The following ARL15 variants were observed in gnomAD, a reference collection of about 807,000 sequenced individuals.
ARL15 encodes the protein ARF like GTPase 15.
Under a neutral mutation model 25.2 loss-of-function variants are expected in ARL15, and 19 were observed. The ratio of observed to expected loss-of-function variants is 0.75; its 90% CI spans 0.53 to 1.10. ARL15 has a LOEUF of 1.10. Ranked by LOEUF, ARL15 falls within the 50% of genes least tolerant of loss-of-function variation. The pLI is 0.00. For missense variants in ARL15, 220 were observed against 246.0 expected, an observed-to-expected ratio of 0.89 and a Z score of 0.71; for synonymous variants, 94 against 86.8, an observed-to-expected ratio of 1.08 and a Z score of -0.46.
chr5:54,078,234 C>A (rs894069868), intron 4 of ARL15, among the ~76,000 whole-genome samples: 1 of 152,126 alleles, frequency 6.6e-6, no homozygotes, highest in African/African-American at 2.4e-5. Context: ...ACATTGTAAT[C>A]AACTGAAAAC....
intron 2 of ARL15, among the ~76,000 whole-genome samples, chr5:54,159,313 A>ATCC (rs1222778094): frequency 2.3e-4 from 35 of 152,222 alleles, no homozygotes; most frequent in Admixed American, 5.9e-4. Context: ...ATGACAGTGT[A>ATCC]ACTACTCTCT....
At chr5:54,261,127 G>A (rs891408331) in intron 1 of ARL15, among the ~76,000 whole-genome samples, 1 of 152,184 alleles carries the variant, frequency 6.6e-6, no homozygotes, top group African/African-American at 2.4e-5. Context: ...GAGTTTCCTT[G>A]TAGACCCAGT....
At chr5:54,160,442 G>A (rs1754370057) in intron 2 of ARL15, among the ~76,000 whole-genome samples, 2 of 151,738 alleles carry the variant, frequency 1.3e-5, no homozygotes, top group Admixed American at 1.3e-4. Flanking sequence ...TATTCTCCAT[G>A]TACCATCAAT....
intron 3 of ARL15, among the ~76,000 whole-genome samples, chr5:54,140,691 A>C (rs1054034328): frequency 2.0e-5 from 3 of 152,230 alleles, no homozygotes; most frequent in Non-Finnish European, 4.4e-5. Context: ...GGCAAAATGC[A>C]AATGGAAAAT....
At chr5:53,942,188 G>A (rs1049027548) in intron 4 of ARL15, among the ~76,000 whole-genome samples, 1 of 152,086 alleles carries the variant, frequency 6.6e-6, no homozygotes, top group African/African-American at 2.4e-5. Context: ...CTGGGGCCAG[G>A]GAACTAGGTA....
intron 3 of ARL15, among the ~76,000 whole-genome samples, chr5:54,124,796 C>A (rs1375227541): frequency 2.0e-5 from 3 of 152,164 alleles, no homozygotes; most frequent in African/African-American, 7.2e-5. Flanking sequence ...AGAGCATAGT[C>A]ATTCCAAGCT....
chr5:54,273,219 A>G (rs1238333038), intron 1 of ARL15, among the ~76,000 whole-genome samples: 2 of 152,218 alleles, frequency 1.3e-5, no homozygotes, highest in Admixed American at 1.3e-4. Context: ...TAAATAGGGT[A>G]CAGTCCATGA....
chr5:54,092,119 C>T (rs1224366350), intron 4 of ARL15, among the ~76,000 whole-genome samples: 3 of 151,574 alleles, frequency 2.0e-5, no homozygotes, highest in African/African-American at 7.3e-5. Flanking sequence ...TATACACGTT[C>T]GTTCCGGAAT....
chr5:54,058,858 A>C (rs760863994), intron 4 of ARL15, among the ~76,000 whole-genome samples: 7 of 152,182 alleles, frequency 4.6e-5, no homozygotes, highest in Non-Finnish European at 1.0e-4. Context: ...AGAGAATAGC[A>C]CATAGAGGAG....
At chr5:54,064,168 T>C (rs1751147733) in intron 4 of ARL15, among the ~76,000 whole-genome samples, 1 of 152,114 alleles carries the variant, frequency 6.6e-6, no homozygotes, top group Non-Finnish European at 1.5e-5. Context: ...ATTCCGCCTC[T>C]GTTTCCCCTT....
Position 54,023,300 on chromosome 5 carries a change from T to TC in ARL15, c.462+89901_462+89902insG, listed in dbSNP as rs571852086. On this transcript the variant is annotated intron_variant, in intron 4 of 4. Coordinates refer to ENST00000504924, the MANE Select transcript of ARL15 (RefSeq NM_019087.3). ...GACACTAAAAATCTAAACAGACACA[T>TC]TTAAAAATATTACAGATATATGGAA... Among the ~76,000 whole-genome samples, 18 of 19,480 alleles carry TC rather than the reference T, an allele frequency of 9.2e-4. No individual in the cohort carries two copies. In the South Asian group the frequency reaches 0.022, roughly 24 times the overall value. 12.8% of individuals were successfully genotyped at this position (19,480 alleles called of 152,430 possible).
At chr5:53,976,906 C>A (rs375548023) in intron 4 of ARL15, among the ~76,000 whole-genome samples, 3 of 152,188 alleles carry the variant, frequency 2.0e-5, no homozygotes, top group East Asian at 3.9e-4. Context: ...GCATTTATAC[C>A]CAGTAGTGAT....
At chr5:54,012,877 A>G (rs1361432267) in intron 4 of ARL15, among the ~76,000 whole-genome samples, 1 of 140,852 alleles carries the variant, frequency 7.1e-6, no homozygotes, top group African/African-American at 2.7e-5. Flanking sequence ...GGAGTGCAGT[A>G]GTGCAATCTC....
rs914912214 is a variant in ARL15, at chr5:53,889,881, C to T, written c.463-3168G>A. Among the ~76,000 whole-genome samples, 9 of 149,870 alleles carry T rather than the reference C, an allele frequency of 6.0e-5. No individual in the cohort carries two copies. The South Asian group carries it at 8.4e-4, about 14-fold the overall frequency. On this transcript the variant is annotated intron_variant, in intron 4 of 4. Transcript: ENST00000504924. The stretch of plus-strand genomic sequence containing the variant: ...AGGCTGAAGTGCAATGGCGCAGTCT[C>T]GGCTCACTGCAACCTCTGCCTCCTG...
intron 1 of ARL15, among the ~76,000 whole-genome samples, chr5:54,234,893 T>C (rs1041360655): frequency 6.6e-6 from 1 of 152,194 alleles, no homozygotes. Flanking sequence ...TAATATGTTT[T>C]TAAAAGAGCT....
At chr5:54,159,162 G>A (rs1754328586) in intron 2 of ARL15, among the ~76,000 whole-genome samples, 1 of 151,904 alleles carries the variant, frequency 6.6e-6, no homozygotes, top group South Asian at 2.1e-4. Flanking sequence ...CCCAAATAAG[G>A]GTTTTCAGGT....
intron 1 of ARL15, among the ~76,000 whole-genome samples, chr5:54,237,440 A>T (rs1187896373): frequency 6.6e-6 from 1 of 152,222 alleles, no homozygotes; most frequent in Non-Finnish European, 1.5e-5. Context: ...GTATTAGAAC[A>T]TTATACAATT....
intron 4 of ARL15, among the ~76,000 whole-genome samples, chr5:54,021,516 G>A (rs1749599090): frequency 6.6e-6 from 1 of 152,054 alleles, no homozygotes; most frequent in African/African-American, 2.4e-5. Context: ...TAATAGAAGA[G>A]CGAAAACAAA....
intron 4 of ARL15, among the ~76,000 whole-genome samples, chr5:53,950,331 G>A (rs1016670646): frequency 3.3e-5 from 5 of 152,084 alleles, no homozygotes; most frequent in African/African-American, 1.2e-4. Flanking sequence ...TAAGCCAGAT[G>A]GAAATTGCTA....
Sources: allele counts gnomAD v4.1 joint callset (sites outside exome capture counted in the v4.1 genomes callset), GRCh38; gene constraint gnomAD v4.1.1; transcripts MANE v1.5; gene names NCBI Gene and HGNC (gene_info 2026-07-23, HGNC 2026-07-21).